Variants in MAP3K20 observed in about 807,000 individuals in gnomAD.
The protein encoded by MAP3K20 is mitogen-activated protein kinase kinase kinase 20, also known as HCCS-4.
Under a neutral mutation model 85.7 loss-of-function variants are expected in MAP3K20, and 40 were observed. That is an observed-to-expected ratio of 0.47 (90% CI 0.36 to 0.61). The LOEUF (loss-of-function observed/expected upper bound fraction) is 0.61. MAP3K20 is among the 20% of genes least tolerant of loss of function. The pLI is 0.00. For missense variants in MAP3K20, 817 were observed against 961.7 expected (o/e 0.85, Z 1.99); for synonymous variants, 325 against 327.7 (o/e 0.99, Z 0.09).
intron 14 of MAP3K20, 90 bp from the exon 15 acceptor site, chr2:173,238,283 A>C: frequency 9.1e-7 from 1 of 1,104,780 alleles, no homozygotes; most frequent in East Asian, 2.4e-5. Flanking sequence ...GAACTAGGTA[A>C]ATAAGGAATG....
intron 2 of MAP3K20, among the ~76,000 whole-genome samples, chr2:173,103,751 T>G (rs1687701798): frequency 6.6e-6 from 1 of 152,242 alleles, no homozygotes; most frequent in Non-Finnish European, 1.5e-5. Flanking sequence ...GAACTGCAGA[T>G]ACCACTGAAA....
intron 14 of MAP3K20, among the ~76,000 whole-genome samples, chr2:173,236,122 C>A (rs1487234281): frequency 6.6e-6 from 1 of 151,910 alleles, no homozygotes; most frequent in Non-Finnish European, 1.5e-5. Context: ...AAAAATTAGC[C>A]AGGCATGTGG....
chr2:173,095,304 C>T (rs1017718203), intron 2 of MAP3K20, among the ~76,000 whole-genome samples: 8 of 152,080 alleles, frequency 5.3e-5, no homozygotes, highest in Admixed American at 2.0e-4. Context: ...TGTCTCATTC[C>T]TGGAGTCAGC....
intron 1 of MAP3K20, among the ~76,000 whole-genome samples, chr2:173,082,283 C>A (rs1181854363): frequency 6.6e-6 from 1 of 152,212 alleles, no homozygotes; most frequent in East Asian, 1.9e-4. Flanking sequence ...ACCAGAAATT[C>A]TTTCTGTAAC....
intron 11 of MAP3K20, chr2:173,222,569 CAAGTGGGGT>C: frequency 1.0e-6 from 1 of 985,534 alleles, no homozygotes; most frequent in Non-Finnish European, 1.2e-6. Flanking sequence ...TATTTTCCAG[CAAGTGGGGT>C]ATGTGTGGTG....
At chr2:173,197,433 G>A (rs1186478376) in intron 7 of MAP3K20, among the ~76,000 whole-genome samples, 8 of 152,106 alleles carry the variant, frequency 5.3e-5, no homozygotes, top group African/African-American at 1.9e-4. Flanking sequence ...TATATTGTAG[G>A]TAGATGAAAA....
intron 14 of MAP3K20, among the ~76,000 whole-genome samples, chr2:173,235,731 T>C (rs1684633002): frequency 6.6e-6 from 1 of 152,222 alleles, no homozygotes; most frequent in South Asian, 2.1e-4. Flanking sequence ...TTTTGTGGTA[T>C]GTGAATTTCA....
At chr2:173,097,988 GCTAA>G (rs1687511826) in intron 2 of MAP3K20, among the ~76,000 whole-genome samples, 1 of 152,090 alleles carries the variant, frequency 6.6e-6, no homozygotes, top group Non-Finnish European at 1.5e-5. Flanking sequence ...CAGTTCTGTT[GCTAA>G]CTTTTTATTA....
chr2:173,149,552 A>G (rs1280231349), intron 2 of MAP3K20, among the ~76,000 whole-genome samples: 1 of 151,908 alleles, frequency 6.6e-6, no homozygotes, highest in African/African-American at 2.4e-5. Context: ...TGCAAGTCTC[A>G]TTATCCTCAT....
At chr2:173,177,813 T>C (rs1690205820) in intron 3 of MAP3K20, among the ~76,000 whole-genome samples, 2 of 152,170 alleles carry the variant, frequency 1.3e-5, no homozygotes, top group Non-Finnish European at 2.9e-5. Context: ...ATTAAAATTA[T>C]AGAATGCAGA....
intron 9 of MAP3K20, among the ~76,000 whole-genome samples, chr2:173,209,071 G>GT (rs1166976658): frequency 1.3e-5 from 2 of 152,024 alleles, no homozygotes; most frequent in South Asian, 4.1e-4. Context: ...TTAAAATTGG[G>GT]GTTTTTTCTT....
At chr2:173,089,097 A>G (rs751140957) in intron 1 of MAP3K20, among the ~76,000 whole-genome samples, 25 of 152,112 alleles carry the variant, frequency 1.6e-4, no homozygotes, top group Non-Finnish European at 2.2e-4. Context: ...CTGCCTGTGC[A>G]CTTCACTCAG....
rs907017971 is a variant in MAP3K20 at position 173,254,222 on chromosome 2, T to G, written c.1360-4477T>G. ...TGAGGTTAGGAGATCGAGACCATCC[T>G]GGCTAACATGGTGAAACCCCATCTC... On this transcript the variant is annotated intron_variant, in intron 16 of 19. Transcript: ENST00000375213. Among the ~76,000 whole-genome samples the G allele has an allele frequency of 9.2e-5, 14 of 151,386 alleles. No homozygotes were observed. The East Asian group carries it at 2.3e-3, about 25-fold the overall frequency.
intron 9 of MAP3K20, among the ~76,000 whole-genome samples, chr2:173,205,847 CCTG>C (rs1193385730): frequency 2.0e-4 from 31 of 151,942 alleles, no homozygotes; most frequent in African/African-American, 7.5e-4. Context: ...AATGGTCTGC[CCTG>C]CTCCTTTTTA....
At chr2:173,217,299 C>A (rs770180736) in intron 11 of MAP3K20, 49 bp downstream of exon 11, 5 of 1,431,140 alleles carry the variant, frequency 3.5e-6, no homozygotes, top group Non-Finnish European at 3.7e-6. Flanking sequence ...CTCTAGGCTG[C>A]GCAGCTGAGC....
rs1006815167 is a variant in MAP3K20 at position 173,100,881 on chromosome 2, G to A, written c.159+9691G>A. On this transcript the variant is annotated intron_variant, in intron 2 of 19. Coordinates refer to ENST00000375213, the MANE Select transcript of MAP3K20 (RefSeq NM_016653.3). ...TTGATAATGAACATAGTCATCATCC[G>A]GAAGTATATGTTGAATAGCCATCCA... Among the ~76,000 whole-genome samples the A allele has an allele frequency of 3.3e-5, 5 of 152,196 alleles. 1 individual carries two copies. Among genetic ancestry groups the A allele is most frequent in the Middle Eastern group, 6.8e-3 (2 of 294 alleles).
chr2:173,224,717 T>C (rs1227995566), intron 11 of MAP3K20: 2 of 985,350 alleles, frequency 2.0e-6, no homozygotes, highest in African/African-American at 3.5e-5. Flanking sequence ...AATGTCCTTC[T>C]AGTGGTTTGA....
At chr2:173,144,479 A>AG (rs1559250770) in intron 2 of MAP3K20, among the ~76,000 whole-genome samples, 12 of 143,800 alleles carry the variant, frequency 8.3e-5, no homozygotes, top group Non-Finnish European at 1.4e-4. Flanking sequence ...AAAAAAAAAA[A>AG]AAAAAAGAAA....
intron 8 of MAP3K20, among the ~76,000 whole-genome samples, chr2:173,201,892 A>G (rs1471419797): frequency 6.6e-6 from 1 of 152,180 alleles, no homozygotes; most frequent in Non-Finnish European, 1.5e-5. Context: ...TCCTTGTGTA[A>G]TGACTTCGAT....
Sources: gnomAD v4.1 joint callset for allele counts (sites outside exome capture counted in the v4.1 genomes callset) on GRCh38, gnomAD v4.1.1 for gene constraint, MANE v1.5 for transcripts, NCBI Gene and HGNC (gene_info 2026-07-23, HGNC 2026-07-21) for gene names.